Variants in CNTNAP4 observed in about 807,000 individuals in gnomAD.
The protein encoded by CNTNAP4 is contactin-associated protein-like 4.
A neutral mutation model predicts 148.4 loss-of-function variants in CNTNAP4; 98 were observed. The observed-to-expected ratio is 0.66, with a 90% CI of 0.56 to 0.78. CNTNAP4 has a LOEUF of 0.78. Among genes scored for constraint, CNTNAP4 ranks in the 30% least tolerant of loss-of-function variants. The pLI, the probability that CNTNAP4 is intolerant of heterozygous loss-of-function variation, is 0.00. For missense variants in CNTNAP4, 1,935 were observed against 1,565.6 expected (o/e 1.24, Z -3.98); for synonymous variants, 730 against 565.1 (o/e 1.29, Z -4.14).
intron 13 of CNTNAP4, among the ~76,000 whole-genome samples, chr16:76,491,791 A>G (rs1443588174): frequency 6.6e-6 from 1 of 152,164 alleles, no homozygotes; most frequent in Non-Finnish European, 1.5e-5. Context: ...AATGCCCTTC[A>G]TGTTCATCCA....
At chr16:76,322,078 C>T (rs898740015) in intron 2 of CNTNAP4, among the ~76,000 whole-genome samples, 6 of 152,090 alleles carry the variant, frequency 3.9e-5, no homozygotes, top group Non-Finnish European at 8.8e-5. Context: ...CAGAACATGC[C>T]AGCAATTTAT....
At chr16:76,428,431 T>TC (rs1330581875) in intron 4 of CNTNAP4, among the ~76,000 whole-genome samples, 1 of 149,526 alleles carries the variant, frequency 6.7e-6, no homozygotes, top group Non-Finnish European at 1.5e-5. Context: ...TTTTTTTTTT[T>TC]CTCTAGTAAA....
intron 2 of CNTNAP4, 111 bp from the exon 3 acceptor site, chr16:76,355,207 G>T: frequency 1.6e-6 from 1 of 610,980 alleles, no homozygotes. Context: ...TCATATTTTG[G>T]ATATTTAAGT....
intron 3 of CNTNAP4, among the ~76,000 whole-genome samples, chr16:76,391,334 A>G (rs1321247508): frequency 1.3e-5 from 2 of 152,154 alleles, no homozygotes; most frequent in African/African-American, 4.8e-5. Context: ...TTTCTGGGGG[A>G]AAAGTCAACC....
intron 15 of CNTNAP4, among the ~76,000 whole-genome samples, chr16:76,504,415 G>GA (rs35882420): frequency 1.2e-4 from 18 of 146,200 alleles, no homozygotes; most frequent in South Asian, 6.5e-4. Context: ...AAAGCAGAAT[G>GA]AAAAAAAAAA....
At chr16:76,412,811 A>G (rs543911571) in intron 3 of CNTNAP4, among the ~76,000 whole-genome samples, 1 of 151,530 alleles carries the variant, frequency 6.6e-6, no homozygotes, top group South Asian at 2.1e-4. Flanking sequence ...ATGTATTCTG[A>G]CATCAGTTTC....
intron 3 of CNTNAP4, among the ~76,000 whole-genome samples, chr16:76,423,901 A>C (rs755100166): frequency 1.3e-5 from 2 of 151,998 alleles, no homozygotes; most frequent in Non-Finnish European, 2.9e-5. Flanking sequence ...ATGGCTATAC[A>C]CTCTTCCTAT....
intron 17 of CNTNAP4, among the ~76,000 whole-genome samples, chr16:76,526,463 A>C (rs2083736959): frequency 6.6e-6 from 1 of 152,066 alleles, no homozygotes; most frequent in African/African-American, 2.4e-5. Flanking sequence ...GGATGGAGGA[A>C]ATGGAGGGCA....
At chr16:76,404,257 A>G (rs2078522597) in intron 3 of CNTNAP4, among the ~76,000 whole-genome samples, 1 of 152,172 alleles carries the variant, frequency 6.6e-6, no homozygotes, top group Non-Finnish European at 1.5e-5. Context: ...TGCACAAAGA[A>G]AAAAACTAAA....
At position 76,539,766 on chromosome 16, in the gene CNTNAP4, G is replaced by C; in HGVS notation, c.3268G>C (p.Val1090Leu). ...GTTAAATAAATATCAAGAGCCTGAT[G>C]TTGTTAACTTTGATTTTAAAAACAT... ...YKLNKYQEPD[V>L]VNFDFKNMAD... Residue 1090 changes from valine (V) to leucine (L), a missense_variant, in exon 20 of 24, where the codon GTT becomes CTT. Coordinates refer to ENST00000611870, the MANE Select transcript of CNTNAP4 (RefSeq NM_033401.5). The C allele has an allele frequency of 6.2e-7, 1 of 1,602,086 alleles. No homozygotes were observed. Among genetic ancestry groups the C allele is most frequent in the East Asian group, 2.3e-5 (1 of 44,280 alleles).
In CNTNAP4 at chr16:76,448,082, A is replaced by G. The variant is rs1444461484; in HGVS notation, c.609A>G (p.Pro203=). Reference sequence around the variant, plus strand: ...GATTTGATCAAAAATCCCTGAGCCCAATAAAAGACATTATTTCTTTGAAAT... The same window carrying G: ...GATTTGATCAAAAATCCCTGAGCCCGATAAAAGACATTATTTCTTTGAAAT... ...LYRFDQKSLS[P]IKDIISLKFK... The change falls in exon 5 of 24, where the codon CCA becomes CCG. Residue 203 remains proline (P), a synonymous_variant. Coordinates refer to ENST00000611870, the MANE Select transcript of CNTNAP4 (RefSeq NM_033401.5). 3 of 1,613,788 alleles carry G rather than the reference A, an allele frequency of 1.9e-6. No homozygotes were observed. Among genetic ancestry groups the G allele is most frequent in the South Asian group, 1.1e-5 (1 of 91,080 alleles).
In CNTNAP4 at chr16:76,307,981, A is replaced by G. The variant is rs569943425; in HGVS notation, c.86-8432A>G. 3.9e-5 allele frequency among the ~76,000 whole-genome samples: 6 copies of G among 152,352 alleles called. No individual in the cohort carries two copies. In the South Asian group the frequency reaches 1.0e-3, roughly 26 times the overall value. On this transcript the variant is annotated intron_variant, in intron 1 of 23. Coordinates refer to ENST00000611870, the MANE Select transcript of CNTNAP4 (RefSeq NM_033401.5). ...TAACAGTTATATATAAATTCTACTCATGTCTCCTATAAGAGAAAATGCATA... is the reference window on the plus strand; with the variant it reads ...TAACAGTTATATATAAATTCTACTCGTGTCTCCTATAAGAGAAAATGCATA...
chr16:76,307,375 G>A (rs1960584745), intron 1 of CNTNAP4, among the ~76,000 whole-genome samples: 1 of 151,740 alleles, frequency 6.6e-6, no homozygotes, highest in African/African-American at 2.4e-5. Context: ...TGAGGTGTGT[G>A]TGATGAAATG....
At chr16:76,449,601 G>A (rs1568215991) in intron 6 of CNTNAP4, 114 bp from the exon 7 acceptor site, 2 of 828,698 alleles carry the variant, frequency 2.4e-6, no homozygotes, top group African/African-American at 1.8e-5. Flanking sequence ...GTGTGTGTAG[G>A]GTTATGAAAA....
chr16:76,346,154 C>T (rs72628203), intron 2 of CNTNAP4, among the ~76,000 whole-genome samples: 28,407 of 151,972 alleles, frequency 0.19, 3,455 homozygotes, highest in East Asian at 0.49. Context: ...CAGAGGTAAA[C>T]AAATCTCATG....
rs1024763112 is a variant in CNTNAP4 at position 76,500,847 on chromosome 16, C to T, written c.2365+2153C>T. On this transcript the variant is annotated intron_variant, in intron 15 of 23. Coordinates refer to ENST00000611870, the MANE Select transcript of CNTNAP4 (RefSeq NM_033401.5). ...ATTCATTTATAGATTGTTAACCTCT[C>T]TGAAAATAGTTAGATTAGCGACTAG... 7.9e-5 allele frequency among the ~76,000 whole-genome samples: 12 copies of T among 151,642 alleles called. No homozygotes were observed. In the East Asian group the frequency reaches 2.3e-3, roughly 29 times the overall value.
chr16:76,420,090 AGTTT>A lies in CNTNAP4; in HGVS notation c.391-7355_391-7352del, dbSNP rs556286674. On this transcript the variant is annotated intron_variant, in intron 3 of 23. Coordinates refer to ENST00000611870, the MANE Select transcript of CNTNAP4 (RefSeq NM_033401.5). ...AGTCTAAGAAAAGTGATTGATTTCT[AGTTT>A]GTTTGTCTTTTTTCTTGTGGTGCAG... Among the ~76,000 whole-genome samples the A allele has an allele frequency of 1.3e-3, 173 of 130,726 alleles. 2 individuals are homozygous for A. In the East Asian group the frequency reaches 0.031, roughly 24 times the overall value. 85.8% of individuals were successfully genotyped at this position (130,726 alleles called of 152,430 possible). A position where few individuals can be genotyped will look rare whatever the true frequency, so the allele number is the denominator to read the frequency against.
At chr16:76,346,941 G>A (rs562110596) in intron 2 of CNTNAP4, among the ~76,000 whole-genome samples, 2 of 152,252 alleles carry the variant, frequency 1.3e-5, no homozygotes, top group African/African-American at 2.4e-5. Flanking sequence ...TTTGCCATGA[G>A]GGAATATTGA....
chr16:76,411,299 TAATA>T (rs773302550), intron 3 of CNTNAP4, among the ~76,000 whole-genome samples: 2 of 151,504 alleles, frequency 1.3e-5, no homozygotes, highest in South Asian at 2.1e-4. Flanking sequence ...ATTAGCAATT[TAATA>T]AATAAATGAC....
Sources: gnomAD v4.1 joint callset for allele counts (sites outside exome capture counted in the v4.1 genomes callset) on GRCh38, gnomAD v4.1.1 for gene constraint, MANE v1.5 for transcripts, NCBI Gene and HGNC (gene_info 2026-07-23, HGNC 2026-07-21) for gene names.